CLPX: variants seen among roughly 807,000 people sequenced by gnomAD.
CLPX encodes ATP-dependent clpX-like chaperone, mitochondrial.
In CLPX, 34 loss-of-function variants were observed where a neutral mutation model predicts 76.4. That is an observed-to-expected ratio of 0.45 (90% CI 0.34 to 0.59). The LOEUF (loss-of-function observed/expected upper bound fraction) is 0.59, where lower values mean the gene tolerates loss of function less well. Among genes scored for constraint, CLPX ranks in the 20% least tolerant of loss-of-function variants. The pLI is 0.01. For missense variants in CLPX, 613 were observed against 757.0 expected (o/e 0.81, Z 2.23); for synonymous variants, 248 against 270.9 (o/e 0.92, Z 0.83).
intron 9 of CLPX, among the ~76,000 whole-genome samples, chr15:65,156,272 CTA>C (rs751495341): frequency 3.3e-5 from 5 of 152,024 alleles, no homozygotes; most frequent in Non-Finnish European, 7.4e-5. Context: ...TTGAGACTAC[CTA>C]TATTTGGAGA....
intron 4 of CLPX, among the ~76,000 whole-genome samples, chr15:65,164,683 T>C (rs571281593): frequency 3.3e-5 from 5 of 152,326 alleles, no homozygotes; most frequent in East Asian, 1.9e-4. Context: ...CTATGTGTTT[T>C]AGTAAATTTA....
rs146425453 is a variant in CLPX at position 65,181,553 on chromosome 15, G to C, written c.80-1349C>G. ...GGATCACTTGAGGTTAGGAGTTTAA[G>C]ACCAGCCTGGCCAACATGGTGAAAC... On this transcript the variant is annotated intron_variant, in intron 1 of 13. Transcript: ENST00000300107. 1.3e-4 allele frequency among the ~76,000 whole-genome samples: 19 copies of C among 151,650 alleles called. No homozygotes were observed. The East Asian group carries it at 3.7e-3, about 30-fold the overall frequency.
chr15:65,169,298 A>G (rs1010928008), intron 3 of CLPX, among the ~76,000 whole-genome samples: 18 of 152,164 alleles, frequency 1.2e-4, no homozygotes, highest in African/African-American at 4.1e-4. Flanking sequence ...ACAGGGTCTC[A>G]TGATGTTGCC....
At position 65,158,747 on chromosome 15, in the gene CLPX, C is replaced by A; in HGVS notation, c.720G>T (p.Leu240Phe). The stretch of plus-strand genomic sequence containing the variant: ...GTGGGCTAATTCCAGCAATCTGAAG[C>A]AATTCTGAAAAAAATGCCAAAGGAA... The part of the protein sequence containing the change: ...RREDEYRFTK[L>F]LQIAGISPHG... Residue 240 changes from leucine to phenylalanine, a missense_variant, in exon 7 of 14, where the codon TTG becomes TTT. Around this residue, in one of 2 missense-constraint regions of CLPX, gnomAD observed 450 missense variants for 638.6 expected, o/e 0.70. Coordinates refer to ENST00000300107, the MANE Select transcript of CLPX (RefSeq NM_006660.5). 1 of 1,565,678 alleles carries A rather than the reference C, an allele frequency of 6.4e-7. No individual in the cohort carries two copies. The highest frequency in any genetic ancestry group is 8.6e-7 in the Non-Finnish European group (1 of 1,156,644).
intron 3 of CLPX, among the ~76,000 whole-genome samples, chr15:65,178,450 AAGAG>A (rs2088117849): frequency 6.6e-6 from 1 of 152,228 alleles, no homozygotes; most frequent in African/African-American, 2.4e-5. Flanking sequence ...TAGTGAACAT[AAGAG>A]AGAATCAGGT....
At position 65,179,024 on chromosome 15, in the gene CLPX, T is replaced by C; in HGVS notation, c.268A>G (p.Lys90Glu). ...KKSASEGSSK[K>E]SGSGNSGKGG... ...TTCCCAGAATTCCCAGAGCCTGATTTCTTACTACTTCCCTCACTTGCTGAT... is the reference window on the plus strand; with the variant it reads ...TTCCCAGAATTCCCAGAGCCTGATTCCTTACTACTTCCCTCACTTGCTGAT... The change falls in exon 3 of 14, where the codon AAA (lysine) becomes GAA (glutamate). Residue 90 changes from lysine (K) to glutamate (E), a missense_variant. By Grantham distance (56) the Lys-to-Glu change is moderately conservative (BLOSUM62 1). Transcript: ENST00000300107. 6.2e-7 allele frequency: 1 copy of C among 1,611,036 alleles called. No individual in the cohort carries two copies. Among genetic ancestry groups the C allele is most frequent in the Non-Finnish European group, 8.5e-7 (1 of 1,177,776 alleles).
chr15:65,172,323 T>C (rs2088021231), intron 3 of CLPX, among the ~76,000 whole-genome samples: 1 of 152,226 alleles, frequency 6.6e-6, no homozygotes, highest in African/African-American at 2.4e-5. Context: ...TACCAGGAGA[T>C]AAATTCTTTC....
intron 5 of CLPX, among the ~76,000 whole-genome samples, chr15:65,163,079 T>A (rs2087871947): frequency 6.6e-6 from 1 of 152,106 alleles, no homozygotes; most frequent in Non-Finnish European, 1.5e-5. Context: ...TTCACGCCTA[T>A]TAATCCCAGC....
At chr15:65,166,308 T>G (rs1367920011) in intron 4 of CLPX, among the ~76,000 whole-genome samples, 1 of 152,110 alleles carries the variant, frequency 6.6e-6, no homozygotes, top group African/African-American at 2.4e-5. Context: ...TAAGGGTCCA[T>G]ATGAACAAAA....
At chr15:65,172,838 G>A (rs144408541) in intron 3 of CLPX, among the ~76,000 whole-genome samples, 48 of 152,084 alleles carry the variant, frequency 3.2e-4, no homozygotes, top group Admixed American at 7.2e-4. Flanking sequence ...CCAAGAGTTC[G>A]GGACCAGCCT....
chr15:65,174,871 G>T (rs1285291941), intron 3 of CLPX, among the ~76,000 whole-genome samples: 2 of 152,168 alleles, frequency 1.3e-5, no homozygotes, highest in African/African-American at 4.8e-5. Context: ...CTGTTCGGGA[G>T]TCAACTGCAT....
rs917984093 is a variant in CLPX, at chr15:65,148,694, A to T, written c.*2129T>A. ...TTCCTAATAGCTTTAGTTTTTCCCT[A>T]AAAAAAACTGTGTAAAAGGAAAGCT... On this transcript the variant is annotated 3_prime_UTR_variant, in exon 14 of 14. Transcript: ENST00000300107. 4 of 151,742 alleles carry T rather than the reference A, an allele frequency of 2.6e-5. No individual in the cohort carries two copies. The highest frequency in any genetic ancestry group is 2.6e-4 in the Admixed American group (4 of 15,202). 9.4% of individuals were successfully genotyped at this position (151,742 alleles called of 1,614,324 possible).
At chr15:65,183,362 G>T (rs2088204061) in intron 1 of CLPX, among the ~76,000 whole-genome samples, 1 of 150,524 alleles carries the variant, frequency 6.6e-6, no homozygotes, top group Non-Finnish European at 1.5e-5. Flanking sequence ...TCGGGAGGCT[G>T]AGGCAGGAGA....
chr15:65,151,741 T>A (rs537720799), intron 13 of CLPX, among the ~76,000 whole-genome samples: 2 of 152,212 alleles, frequency 1.3e-5, no homozygotes, highest in South Asian at 2.1e-4. Context: ...TCAAAACACA[T>A]CAACTGCCTC....
Position 65,150,931 on chromosome 15 carries a change from G to GTTTGTT in CLPX, c.1812-24_1812-19dup. On this transcript the variant is annotated intron_variant, in intron 13 of 13. Coordinates refer to ENST00000300107, the MANE Select transcript of CLPX (RefSeq NM_006660.5). ...TTGGAGCCCTACAATGAAAAGCCAT[G>GTTTGTT]TTTGTTTTTTTAAAATAAAAAATGG... 6.4e-7 allele frequency: 1 copy of GTTTGTT among 1,558,944 alleles called. No homozygotes were observed. Among genetic ancestry groups the GTTTGTT allele is most frequent in the Non-Finnish European group, 8.7e-7 (1 of 1,142,988 alleles).
rs368091077 is a variant in CLPX, at chr15:65,168,834, T to C, written c.359-2049A>G. Reference sequence around the variant, plus strand: ...AATGGATCAGCTACAGTATATCCTATGTTAAAGGTGATTTATTTTTCTTTT... The same window carrying C: ...AATGGATCAGCTACAGTATATCCTACGTTAAAGGTGATTTATTTTTCTTTT... On this transcript the variant is annotated intron_variant, in intron 3 of 13. Coordinates refer to ENST00000300107, the MANE Select transcript of CLPX (RefSeq NM_006660.5). Among the ~76,000 whole-genome samples, 152 of 152,034 alleles carry C rather than the reference T, an allele frequency of 1.0e-3. 1 individual carries two copies. Among genetic ancestry groups the C allele is most frequent in the African/African-American group, 3.5e-3 (146 of 41,496 alleles).
intron 3 of CLPX, among the ~76,000 whole-genome samples, chr15:65,174,155 A>G (rs1163516996): frequency 1.3e-5 from 2 of 151,950 alleles, no homozygotes; most frequent in South Asian, 2.1e-4. Flanking sequence ...TTGTATTTTT[A>G]TTAGAGACGG....
At chr15:65,179,122 C>A in intron 2 of CLPX, 71 bp from the exon 3 acceptor site, 1 of 766,224 alleles carries the variant, frequency 1.3e-6, no homozygotes, top group Non-Finnish European at 2.2e-6. Flanking sequence ...TAAATGTAAA[C>A]AATACTGTTT....
In CLPX at chr15:65,169,843, C is replaced by T. The variant is rs1220832043; in HGVS notation, c.359-3058G>A. ...CAATCTCGGCTTACTGCAACCTTCG[C>T]CTCGCCTCCAGGGTTCAAGCAATTC... On this transcript the variant is annotated intron_variant, in intron 3 of 13. Transcript: ENST00000300107. Among the ~76,000 whole-genome samples, 4 of 151,566 alleles carry T rather than the reference C, an allele frequency of 2.6e-5. No individual in the cohort carries two copies. In the East Asian group the frequency reaches 7.8e-4, roughly 29 times the overall value.
Sources: allele counts gnomAD v4.1 joint callset (sites outside exome capture counted in the v4.1 genomes callset), GRCh38; gene constraint gnomAD v4.1.1; regional missense constraint gnomAD v4.1.1; transcripts MANE v1.5; gene names NCBI Gene and HGNC (gene_info 2026-07-23, HGNC 2026-07-21).